The following POLR3G variants were observed in gnomAD, a reference collection of about 807,000 sequenced individuals.
POLR3G encodes the protein DNA-directed RNA polymerase III subunit RPC7.
In POLR3G, 28 loss-of-function variants were observed where a neutral mutation model predicts 30.1. The ratio of observed to expected loss-of-function variants is 0.93; its 90% CI spans 0.69 to 1.27. POLR3G has a LOEUF of 1.27. Ranked by LOEUF, POLR3G falls within the 50% of genes most tolerant of loss-of-function variation. The pLI, the probability that POLR3G is intolerant of heterozygous loss-of-function variation, is 0.00. For missense variants in POLR3G, 254 were observed against 264.6 expected, an observed-to-expected ratio of 0.96 and a Z score of 0.28; for synonymous variants, 79 against 82.5, an observed-to-expected ratio of 0.96 and a Z score of 0.23.
rs143067375 is a variant in POLR3G, at chr5:90,505,312, A to T, written c.439-1216A>T. Among the ~76,000 whole-genome samples, 441 of 152,296 alleles carry T rather than the reference A, an allele frequency of 2.9e-3. 3 individuals carry two copies. The highest frequency in any genetic ancestry group is 0.01 in the African/African-American group (421 of 41,566). ...AGCTGAGGTGACTTATGCCTTAATT[A>T]TGCGTATTAATATGTGAAATTATTG... is the stretch of plus-strand genomic sequence containing the variant. On this transcript the variant is annotated intron_variant, in intron 6 of 7. Coordinates refer to ENST00000651687, the MANE Select transcript of POLR3G (RefSeq NM_006467.3).
chr5:90,479,377 G>A (rs1055233257), intron 1 of POLR3G, among the ~76,000 whole-genome samples: 4 of 152,176 alleles, frequency 2.6e-5, no homozygotes, highest in Non-Finnish European at 4.4e-5. Context: ...GGAGGCTGAG[G>A]CAGGAGAATT....
intron 1 of POLR3G, among the ~76,000 whole-genome samples, chr5:90,484,565 A>C (rs1000624819): frequency 1.3e-5 from 2 of 152,210 alleles, no homozygotes; most frequent in Non-Finnish European, 2.9e-5. Flanking sequence ...ATGACCAGGC[A>C]AGAAACCCTG....
chr5:90,507,139 T>C (rs1752526385), intron 7 of POLR3G, among the ~76,000 whole-genome samples: 1 of 152,216 alleles, frequency 6.6e-6, no homozygotes, highest in South Asian at 2.1e-4. Flanking sequence ...GGACTCTGTG[T>C]TTTCCATTTG....
At chr5:90,506,779 G>A in intron 7 of POLR3G, 105 bp downstream of exon 7, 2 of 1,379,162 alleles carry the variant, frequency 1.5e-6, no homozygotes, top group Non-Finnish European at 1.9e-6. Flanking sequence ...CAAGATGATG[G>A]GAACCAGAAG....
chr5:90,488,224 C>G, intron 3 of POLR3G, 95 bp downstream of exon 3: 1 of 1,089,620 alleles, frequency 9.2e-7, no homozygotes, highest in Non-Finnish European at 1.2e-6. Context: ...TTGATTGATT[C>G]GATTCAATAA....
In POLR3G at chr5:90,485,553, G is replaced by A. The variant is rs779399366; in HGVS notation, c.-15G>A. On this transcript the variant is annotated 5_prime_UTR_variant, in exon 2 of 8. Transcript: ENST00000651687. The stretch of plus-strand genomic sequence containing the variant: ...CTTTCAGAATTTGCCCACTCATCTG[G>A]TATAACTGGTTCTGATGGCTGGGAA... 1.6e-5 allele frequency: 25 copies of A among 1,579,086 alleles called. No individual in the cohort carries two copies. The South Asian group carries it at 2.6e-4, about 16-fold the overall frequency.
intron 6 of POLR3G, among the ~76,000 whole-genome samples, chr5:90,505,190 T>C (rs185175659): frequency 3.9e-5 from 6 of 152,338 alleles, no homozygotes; most frequent in Non-Finnish European, 7.4e-5. Flanking sequence ...TTTCTCTCTA[T>C]ATGTAATCTA....
At chr5:90,476,171 G>A (rs1029379357) in intron 1 of POLR3G, among the ~76,000 whole-genome samples, 4 of 152,210 alleles carry the variant, frequency 2.6e-5, no homozygotes, top group Non-Finnish European at 4.4e-5. Flanking sequence ...AAGGAGAGGT[G>A]TACGCTCCTT....
chr5:90,474,048 G>C (rs1224998818), upstream of POLR3G: 1 of 1,588,658 alleles, frequency 6.3e-7, no homozygotes, highest in African/African-American at 1.3e-5. Context: ...GTGCACGTGG[G>C]TGGCCACGGC....
At chr5:90,484,695 A>G (rs564533664) in intron 1 of POLR3G, among the ~76,000 whole-genome samples, 1 of 152,316 alleles carries the variant, frequency 6.6e-6, no homozygotes, top group Non-Finnish European at 1.5e-5. Context: ...CACTCCTCTG[A>G]CTTCCTCCGA....
intron 2 of POLR3G, among the ~76,000 whole-genome samples, chr5:90,486,073 T>G (rs1751425323): frequency 6.6e-6 from 1 of 152,226 alleles, no homozygotes; most frequent in Non-Finnish European, 1.5e-5. Context: ...TCTATAGAAT[T>G]TAAGTTTGCT....
At chr5:90,488,173 A>G in intron 3 of POLR3G, 44 bp downstream of exon 3, 4 of 1,450,846 alleles carry the variant, frequency 2.8e-6, no homozygotes, top group Non-Finnish European at 3.6e-6. Context: ...ATGTATACAG[A>G]TGAAACAGTG....
chr5:90,489,335 G>A (rs1296674751), intron 3 of POLR3G, among the ~76,000 whole-genome samples: 4 of 148,714 alleles, frequency 2.7e-5, no homozygotes, highest in South Asian at 2.1e-4. Flanking sequence ...GTACAATCTC[G>A]GCTCACTGCA....
At chr5:90,479,801 G>T (rs567087076) in intron 1 of POLR3G, among the ~76,000 whole-genome samples, 1 of 152,252 alleles carries the variant, frequency 6.6e-6, no homozygotes, top group African/African-American at 2.4e-5. Context: ...CAGGAGAATA[G>T]GGTGCAACCA....
At chr5:90,474,405 G>T, upstream of POLR3G, 3 of 972,132 alleles carry the variant, frequency 3.1e-6, no homozygotes, top group Non-Finnish European at 4.7e-6. Context: ...AGCCAGGGAG[G>T]AGGCGTAGAG....
chr5:90,474,707 C>G (rs868746445), upstream of POLR3G: 10 of 214,944 alleles, frequency 4.7e-5, no homozygotes, highest in African/African-American at 1.2e-4. Context: ...AACCGCCCAC[C>G]CACTGGCTCT....
intron 7 of POLR3G, among the ~76,000 whole-genome samples, chr5:90,507,540 T>A (rs1374095116): frequency 6.6e-6 from 1 of 152,236 alleles, no homozygotes; most frequent in African/African-American, 2.4e-5. Context: ...CTCGTTGATT[T>A]TGAAATTCTT....
intron 1 of POLR3G, among the ~76,000 whole-genome samples, chr5:90,479,464 G>T (rs576340217): frequency 1.3e-5 from 2 of 152,208 alleles, no homozygotes; most frequent in South Asian, 4.2e-4. Flanking sequence ...CAGAGCAAGA[G>T]TCCATCTCGG....
At chr5:90,496,256 A>C (rs775551685) in intron 4 of POLR3G, among the ~76,000 whole-genome samples, 8 of 152,152 alleles carry the variant, frequency 5.3e-5, no homozygotes, top group African/African-American at 1.2e-4. Context: ...GCATGAGCCA[A>C]CACCCCCCAC....
Sources: gnomAD v4.1 joint callset for allele counts (sites outside exome capture counted in the v4.1 genomes callset) on GRCh38, gnomAD v4.1.1 for gene constraint, MANE v1.5 for transcripts, NCBI Gene and HGNC (gene_info 2026-07-23, HGNC 2026-07-21) for gene names.